The following PKD1 variants were observed in gnomAD, a reference collection of about 807,000 sequenced individuals.
PKD1 encodes polycystin 1, transient receptor potential channel interacting, also known as polycystin-1.
In PKD1, 81 loss-of-function variants were observed where a neutral mutation model predicts 361.7. The ratio of observed to expected loss-of-function variants is 0.22; its 90% confidence interval spans 0.19 to 0.27. PKD1 has a LOEUF of 0.27. PKD1 is among the 10% of genes least tolerant of loss of function. The pLI is 1.00. For synonymous variants in PKD1, 3,615 were observed against 2,818.3 expected, an observed-to-expected ratio of 1.28 and a Z score of -8.95; for missense variants, 6,399 against 6,118.3, an observed-to-expected ratio of 1.05 and a Z score of -1.53.
At chr16:2,124,657 C>A (rs534701199) in intron 1 of PKD1, among the ~76,000 whole-genome samples, 101 of 152,318 alleles carry the variant, frequency 6.6e-4, no homozygotes, top group African/African-American at 2.2e-3. Flanking sequence ...CTCCCCAGAC[C>A]AGATGCTGAG....
chr16:2,111,281 C>G lies in PKD1; in HGVS notation c.3886G>C (p.Val1296Leu). Residue 1296 changes from valine to leucine, a missense_variant, in exon 15 of 46, where the codon GTG becomes CTG. Transcript: ENST00000262304. ...SLHVLVFVLE[V>L]LRVEPAACIP... ...CAGGCGGCGGGTTCAACGCGCAGCA[C>G]CTCCAGGACGAAGACCAGCACGTGC... 1 of 1,609,548 alleles carries G rather than the reference C, an allele frequency of 6.2e-7. No homozygotes were observed. Among genetic ancestry groups the G allele is most frequent in the Non-Finnish European group, 8.5e-7 (1 of 1,179,460 alleles).
chr16:2,108,040 C>T lies in PKD1; in HGVS notation c.6916-8G>A. ...ACACCCGCCAGCCTCCCTCTGCAGG[C>T]CGAGAACAAGGGGCGACGTGGCCTG... On this transcript the variant is annotated splice_polypyrimidine_tract_variant and splice_region_variant and intron_variant, in intron 15 of 45. Transcript: ENST00000262304. The T allele has an allele frequency of 1.9e-6, 3 of 1,562,066 alleles. No homozygotes were observed. Among genetic ancestry groups the T allele is most frequent in the Non-Finnish European group, 2.6e-6 (3 of 1,155,380 alleles).
intron 1 of PKD1, among the ~76,000 whole-genome samples, chr16:2,129,033 T>C (rs1305638219): frequency 2.0e-5 from 3 of 151,854 alleles, no homozygotes; most frequent in African/African-American, 7.3e-5. Flanking sequence ...CTCGCTAATT[T>C]TTGTATTTTT....
chr16:2,115,531 A>G lies in PKD1; in HGVS notation c.1944T>C (p.Pro648=), dbSNP rs755947937. Residue 648 remains proline (P), a synonymous_variant, in exon 10 of 46, where the codon CCT becomes CCC. Transcript: ENST00000262304. The part of the protein sequence containing the change: ...PACMPGGRWC[P]GANICLPLDA... ...CCAGCGGCAAGCAGATGTTGGCTCC[A>G]GGGCACCAGCGTCCCCCTGGCATGC... The G allele has an allele frequency of 2.0e-5, 32 of 1,595,052 alleles. No individual in the cohort carries two copies. Among genetic ancestry groups the G allele is most frequent in the Non-Finnish European group, 2.6e-5 (31 of 1,170,726 alleles).
intron 20 of PKD1, 40 bp from the exon 21 acceptor site, chr16:2,105,514 A>C (rs988834604): frequency 5.0e-6 from 8 of 1,595,064 alleles, no homozygotes; most frequent in Non-Finnish European, 5.9e-6. Flanking sequence ...TCAGCAGCGC[A>C]GGAGGCCGGC....
Position 2,105,906 on chromosome 16 carries a change from C to T in PKD1, c.7822G>A (p.Val2608Ile), listed in dbSNP as rs750477073. ...GLLRQADPQH[V>I]IEYSLALVTV... ...ACCAGGGCCAACGAGTACTCGATGA[C>T]GTGCTGGGGATCGGCCTGCCGCAGC... is the stretch of plus-strand genomic sequence containing the variant. The change falls in exon 20 of 46, where the codon GTC becomes ATC. Residue 2608 changes from valine to isoleucine, a missense_variant. By Grantham distance (29) the Val-to-Ile change is conservative. Transcript: ENST00000262304. 1.4e-5 allele frequency: 23 copies of T among 1,596,590 alleles called. No homozygotes were observed. Among genetic ancestry groups the T allele is most frequent in the Non-Finnish European group, 1.9e-5 (23 of 1,179,684 alleles).
chr16:2,115,217 G>C (rs1355040047), intron 10 of PKD1, 161 bp downstream of exon 10: 32 of 556,848 alleles, frequency 5.7e-5, no homozygotes, highest in Non-Finnish European at 6.6e-5. Flanking sequence ...CCCACTGGGA[G>C]AGGGCCGAGG....
At chr16:2,099,116 G>C (rs1313777827) in intron 30 of PKD1, 3 of 261,804 alleles carry the variant, frequency 1.1e-5, no homozygotes, top group Non-Finnish European at 2.2e-5. Context: ...ACAGGCGTGA[G>C]CCACCGCGCC....
At chr16:2,135,310 C>G (rs868325526) in intron 1 of PKD1, 165 bp downstream of exon 1, 1 of 985,220 alleles carries the variant, frequency 1.0e-6, no homozygotes, top group African/African-American at 1.7e-5. Context: ...GCCGTGCCAA[C>G]CGCGGCTCCA....
At chr16:2,099,164 T>C in intron 30 of PKD1, 1 of 333,382 alleles carries the variant, frequency 3.0e-6, no homozygotes, top group East Asian at 8.2e-5. Flanking sequence ...GGGGTCTTGC[T>C]ATGTTGCCCA....
At chr16:2,107,769 A>C in intron 16 of PKD1, 114 bp downstream of exon 16, 1 of 997,174 alleles carries the variant, frequency 1.0e-6, no homozygotes, top group Non-Finnish European at 1.5e-6. Flanking sequence ...TTTGCATCAG[A>C]AACAGAGAGG....
chr16:2,114,875 G>A lies in PKD1; in HGVS notation c.2148C>T (p.Gly716=). The A allele has an allele frequency of 2.0e-6, 3 of 1,524,878 alleles. No individual in the cohort carries two copies. Among genetic ancestry groups the A allele is most frequent in the Non-Finnish European group, 2.6e-6 (3 of 1,137,438 alleles). 94.5% of individuals were successfully genotyped at this position (1,524,878 alleles called of 1,614,324 possible). ...CGCCAGGGCCAGCGTCGTGCTGCAAGCCAACGAGGTCACCAGGGAGCATGA... is the reference window on the plus strand; with the variant it reads ...CGCCAGGGCCAGCGTCGTGCTGCAAACCAACGAGGTCACCAGGGAGCATGA... ...DVLMLPGDLV[G]LQHDAGPGAL... is the part of the protein sequence containing the mutation. The change falls in exon 11 of 46, where the codon GGC becomes GGT. Residue 716 remains glycine, a synonymous_variant. Transcript: ENST00000262304.
In PKD1 at chr16:2,110,286, A is replaced by G. The variant is rs147586760; in HGVS notation, c.4881T>C (p.Tyr1627=). ...GCAGCCCCTCTATGAGCTGCAGGAC[A>G]TAGACGAAGATGCTGTCCTGGGCGG... ...VGSAQDSIFV[Y]VLQLIEGLQV... Residue 1627 remains tyrosine, a synonymous_variant, in exon 15 of 46, where the codon TAT becomes TAC. Coordinates refer to ENST00000262304, the MANE Select transcript of PKD1 (RefSeq NM_001009944.3). 5.6e-6 allele frequency: 9 copies of G among 1,612,528 alleles called. No individual in the cohort carries two copies. Among genetic ancestry groups the G allele is most frequent in the African/African-American group, 5.3e-5 (4 of 74,940 alleles).
rs1276572170 is a variant in PKD1, at chr16:2,093,284, GAC to G, written c.11017-193_11017-192del. ...CTGCCCGGAACCCCACCTGGGGGCA[GAC>G]ACACAGGCCACTGCAGTGGTGCTTA... On this transcript the variant is annotated intron_variant, in intron 37 of 45. Transcript: ENST00000262304. The G allele has an allele frequency of 8.3e-6, 6 of 723,278 alleles. No homozygotes were observed. In the East Asian group the frequency reaches 1.3e-4, roughly 16 times the overall value. The allele number at this position is 723,278 out of a possible 1,614,324, so 44.8% of individuals were successfully genotyped here.
At position 2,117,578 on chromosome 16, in the gene PKD1, C is replaced by T. The variant is rs775745394; in HGVS notation, c.1296G>A (p.Ala432=). ...CGGCCCAGGCCTGACACTGCTCCTG[C>T]GCCTGCAGCCAGGCCGCCTTCTCCA... ...LVVEKAAWLQ[A]QEQCQAWAGA... is the part of the protein sequence containing the mutation. Residue 432 remains alanine (A), a synonymous_variant, in exon 6 of 46, where the codon GCG becomes GCA. Coordinates refer to ENST00000262304, the MANE Select transcript of PKD1 (RefSeq NM_001009944.3). 16 of 1,607,676 alleles carry T rather than the reference C, an allele frequency of 1.0e-5. No homozygotes were observed. Among genetic ancestry groups the T allele is most frequent in the South Asian group, 3.3e-5 (3 of 90,568 alleles).
intron 20 of PKD1, 185 bp from the exon 21 acceptor site, chr16:2,105,659 G>A (rs2092312065): frequency 6.9e-7 from 1 of 1,445,358 alleles, no homozygotes; most frequent in African/African-American, 1.4e-5. Context: ...CTCCTGGGCG[G>A]GGGCTGCATT....
In PKD1 at chr16:2,092,159, C is replaced by A. The variant is rs202014019; in HGVS notation, c.11299G>T (p.Val3767Phe). The change falls in exon 40 of 46, where the codon GTC (valine) becomes TTC (phenylalanine). Residue 3767 changes from valine (V) to phenylalanine (F), a missense_variant. Transcript: ENST00000262304. ...CCTCCTGCGGCCGAGCACGTGTGGA[C>A]CCTGGGGCCGGGAGGGTCTGGGTAG... The part of the protein sequence containing the change: ...ALYPDPPGPR[V>F]HTCSAAGGFS... 1.1e-5 allele frequency: 18 copies of A among 1,611,184 alleles called. No homozygotes were observed. The highest frequency in any genetic ancestry group is 2.7e-5 in the African/African-American group (2 of 74,952).
At chr16:2,130,944 G>A (rs2092868401) in intron 1 of PKD1, among the ~76,000 whole-genome samples, 1 of 152,210 alleles carries the variant, frequency 6.6e-6, no homozygotes, top group African/African-American at 2.4e-5. Flanking sequence ...AGGGTGAGTG[G>A]CAACCAGCAC....
Position 2,102,047 on chromosome 16 carries a change from G to A in PKD1, c.9397+14C>T, listed in dbSNP as rs768738884. The A allele has an allele frequency of 7.5e-5, 115 of 1,524,762 alleles. 1 individual carries two copies. The highest frequency in any genetic ancestry group is 7.0e-4 in the Middle Eastern group (3 of 4,312). 94.5% of individuals were successfully genotyped at this position (1,524,762 alleles called of 1,614,324 possible). A position where few individuals can be genotyped will look rare whatever the true frequency, so the allele number is the denominator to read the frequency against. On this transcript the variant is annotated intron_variant, in intron 26 of 45. Transcript: ENST00000262304. ...AGAGCAGGGGAGGCCCTGCCACCCC[G>A]CTGCGCCCCTCACCTGAGCCCCGGC...
Sources: allele counts gnomAD v4.1 joint callset (sites outside exome capture counted in the v4.1 genomes callset), GRCh38; gene constraint gnomAD v4.1.1; transcripts MANE v1.5; gene names NCBI Gene and HGNC (gene_info 2026-07-23, HGNC 2026-07-21).